Variants in BAZ2B observed in about 807,000 individuals in gnomAD.
BAZ2B encodes the protein bromodomain adjacent to zinc finger domain 2B, also known as bromodomain adjacent to zinc finger domain protein 2B.
BAZ2B carries 91 observed loss-of-function variants against 246.0 expected under a neutral mutation model. The ratio of observed to expected loss-of-function variants is 0.37; its 90% CI spans 0.31 to 0.44. The LOEUF (loss-of-function observed/expected upper bound fraction) is 0.44. BAZ2B is among the 20% of genes least tolerant of loss of function. The probability of loss-of-function intolerance (pLI) is 1.00; values close to 1 mark genes in which losing one functional copy is unlikely to be tolerated. For synonymous variants in BAZ2B, 855 were observed against 860.0 expected, an observed-to-expected ratio of 0.99 and a Z score of 0.10; for missense variants, 2,332 against 2,533.7, an observed-to-expected ratio of 0.92 and a Z score of 1.71.
At chr2:159,690,127 A>G in the BAZ2B span, 3 of 524,436 alleles carry the variant, frequency 5.7e-6, no homozygotes, top group Admixed American at 3.0e-5. Flanking sequence ...CTTCAAACAC[A>G]TGACTCTTGA....
At chr2:159,453,543 G>C (rs2075351964) in intron 4 of BAZ2B, 70 bp downstream of exon 4, 3 of 1,447,370 alleles carry the variant, frequency 2.1e-6, no homozygotes, top group Non-Finnish European at 2.8e-6. Context: ...TTGTTCAATA[G>C]ACAAATTATT....
intron 13 of BAZ2B, among the ~76,000 whole-genome samples, chr2:159,413,890 T>A (rs1020348745): frequency 6.6e-6 from 1 of 152,126 alleles, no homozygotes; most frequent in African/African-American, 2.4e-5. Context: ...AGCTACCATA[T>A]AATTCAGCAA....
intron 2 of BAZ2B, among the ~76,000 whole-genome samples, chr2:159,553,392 C>CAAAAAAAAAAAAAAAAA (rs35253250): frequency 1.4e-4 from 10 of 73,822 alleles, no homozygotes; most frequent in Non-Finnish European, 2.0e-4. Context: ...GACTCTGTCT[C>CAAAAAAAAAAAAAAAAA]AAAAAAAAAA....
the BAZ2B span, among the ~76,000 whole-genome samples, chr2:159,653,080 G>A: frequency 6.6e-6 from 1 of 151,908 alleles, no homozygotes; most frequent in Non-Finnish European, 1.5e-5. Flanking sequence ...TGGGATTACA[G>A]GCGCACGCCA....
At chr2:159,647,596 C>G in the BAZ2B span, among the ~76,000 whole-genome samples, 1 of 152,158 alleles carries the variant, frequency 6.6e-6, no homozygotes, top group Non-Finnish European at 1.5e-5. Flanking sequence ...ACAAAATTAA[C>G]CATCACAGTT....
chr2:159,374,880 C>T (rs112455694), intron 25 of BAZ2B, 127 bp from the exon 26 acceptor site: 2 of 743,306 alleles, frequency 2.7e-6, no homozygotes, highest in Non-Finnish European at 2.2e-6. Flanking sequence ...TTTCTATAAA[C>T]TAATAATCTG....
In BAZ2B at chr2:159,568,867, A is replaced by G. The variant is rs539418238; in HGVS notation, c.-45-13002T>C. Among the ~76,000 whole-genome samples the G allele has an allele frequency of 3.3e-5, 5 of 152,352 alleles. No individual in the cohort carries two copies. In the South Asian group the frequency reaches 8.3e-4, roughly 25 times the overall value. On this transcript the variant is annotated intron_variant, in intron 1 of 36. Coordinates refer to ENST00000392783, the MANE Select transcript of BAZ2B (RefSeq NM_013450.4). ...AAGGTCATGAAAAGTTGTCAAACTTATATCACCTGAATATCTAAATTTGAT... is the reference window on the plus strand; with the variant it reads ...AAGGTCATGAAAAGTTGTCAAACTTGTATCACCTGAATATCTAAATTTGAT...
chr2:159,501,435 C>T (rs12692552), intron 2 of BAZ2B, among the ~76,000 whole-genome samples: 76,837 of 146,960 alleles, frequency 0.52, 20,482 homozygotes, highest in Non-Finnish European at 0.58. Context: ...TGTGTGTGTG[C>T]GTTTGTGTGT....
intron 14 of BAZ2B, among the ~76,000 whole-genome samples, chr2:159,410,562 T>G (rs1189431577): frequency 6.6e-6 from 1 of 152,176 alleles, no homozygotes; most frequent in African/African-American, 2.4e-5. Context: ...GTAAGTTCCC[T>G]GAGGCCTCCC....
intron 14 of BAZ2B, among the ~76,000 whole-genome samples, chr2:159,409,051 T>C (rs2066407808): frequency 6.6e-6 from 1 of 152,132 alleles, no homozygotes; most frequent in African/African-American, 2.4e-5. Context: ...TTATTTGTTT[T>C]TTTTTTGGTT....
rs75339489 is a variant in BAZ2B, at chr2:159,333,471, C to T, written c.5797-785G>A. On this transcript the variant is annotated intron_variant, in intron 33 of 36. Transcript: ENST00000392783. ...TTTTTCCATGTACACATATTCTGTA[C>T]GGTAAGTTTTACAAAGGAAAGAAGA... Among the ~76,000 whole-genome samples, 99 of 151,982 alleles carry T rather than the reference C, an allele frequency of 6.5e-4. 2 individuals are homozygous for T. In the East Asian group the frequency reaches 0.017, roughly 26 times the overall value.
At chr2:159,430,429 T>C (rs1426426245) in intron 10 of BAZ2B, among the ~76,000 whole-genome samples, 1 of 152,246 alleles carries the variant, frequency 6.6e-6, no homozygotes, top group Non-Finnish European at 1.5e-5. Context: ...CTATTCATGT[T>C]ATCAGTAAGG....
At chr2:159,430,478 G>A (rs1277006004) in intron 10 of BAZ2B, among the ~76,000 whole-genome samples, 1 of 152,164 alleles carries the variant, frequency 6.6e-6, no homozygotes, top group African/African-American at 2.4e-5. Context: ...AGTTTTTGAG[G>A]AGCCAAAAGT....
At chr2:159,364,676 T>TA (rs1322299045) in intron 27 of BAZ2B, among the ~76,000 whole-genome samples, 2 of 152,160 alleles carry the variant, frequency 1.3e-5, no homozygotes, top group African/African-American at 2.4e-5. Context: ...AGCCCTTAGT[T>TA]AGACATTTTT....
At chr2:159,380,216 A>G (rs1468560231) in intron 25 of BAZ2B, among the ~76,000 whole-genome samples, 4 of 152,104 alleles carry the variant, frequency 2.6e-5, no homozygotes, top group Non-Finnish European at 2.9e-5. Flanking sequence ...CGTCTTTAAC[A>G]TCTGTAAAAT....
At chr2:159,646,255 T>C in the BAZ2B span, among the ~76,000 whole-genome samples, 10,067 of 152,280 alleles carry the variant, frequency 0.066, 428 homozygotes, top group Middle Eastern at 0.18. Context: ...CATTTGCTTT[T>C]GAAAGAAGAG....
intron 11 of BAZ2B, among the ~76,000 whole-genome samples, chr2:159,428,776 C>G (rs2070488651): frequency 6.6e-6 from 1 of 152,104 alleles, no homozygotes; most frequent in Admixed American, 6.6e-5. Flanking sequence ...GCTTGGGGTT[C>G]ACGTACATCC....
the BAZ2B span, among the ~76,000 whole-genome samples, chr2:159,649,813 A>G: frequency 6.6e-6 from 1 of 152,202 alleles, no homozygotes; most frequent in South Asian, 2.1e-4. Flanking sequence ...GGGTCCCATT[A>G]CAAATATATT....
intron 2 of BAZ2B, among the ~76,000 whole-genome samples, chr2:159,522,782 T>C (rs2151272106): frequency 6.6e-6 from 1 of 152,226 alleles, no homozygotes; most frequent in South Asian, 2.1e-4. Context: ...TCTATTAAAA[T>C]GTCAAAATAT....
Sources: allele counts gnomAD v4.1 joint callset (sites outside exome capture counted in the v4.1 genomes callset), GRCh38; gene constraint gnomAD v4.1.1; transcripts MANE v1.5; gene names NCBI Gene and HGNC (gene_info 2026-07-23, HGNC 2026-07-21).